MTMR8: variants seen among roughly 807,000 people sequenced by gnomAD.
MTMR8 encodes phosphatidylinositol-3,5-bisphosphate 3-phosphatase MTMR8.
In MTMR8, 65 loss-of-function variants were observed where a neutral mutation model predicts 39.3. The observed-to-expected ratio is 1.65, with a 90% CI of 1.35 to 2.03. The LOEUF (loss-of-function observed/expected upper bound fraction) is 2.03, where lower values mean the gene tolerates loss of function less well. Ranked by LOEUF, MTMR8 falls within the 30% of genes most tolerant of loss-of-function variation. The pLI is 0.00. For synonymous variants in MTMR8, 245 were observed against 185.2 expected (o/e 1.32, Z -2.62); for missense variants, 777 against 538.9 (o/e 1.44, Z -4.37).
intron 12 of MTMR8, among the ~76,000 whole-genome samples, chrX:64,309,286 TTA>T (rs1352496310): frequency 8.9e-6 from 1 of 112,034 alleles, no homozygotes; most frequent in African/African-American, 3.2e-5. Flanking sequence ...CATCAGATTT[TTA>T]TAGTTTTCCT....
intron 1 of MTMR8, among the ~76,000 whole-genome samples, chrX:64,377,266 C>T (rs1165624949): frequency 8.9e-6 from 1 of 111,909 alleles, no homozygotes; most frequent in Non-Finnish European, 1.9e-5. Context: ...GAGAAGAGGG[C>T]CACCATCCTC....
At chrX:64,374,034 T>A (rs1401043024) in intron 1 of MTMR8, among the ~76,000 whole-genome samples, 2 of 112,204 alleles carry the variant, frequency 1.8e-5, no homozygotes, top group African/African-American at 6.5e-5. Flanking sequence ...TCAGTAATTC[T>A]TTTTTGAATG....
intron 13 of MTMR8, among the ~76,000 whole-genome samples, chrX:64,270,401 C>T: frequency 8.9e-6 from 1 of 112,001 alleles, no homozygotes; most frequent in Non-Finnish European, 1.9e-5. Flanking sequence ...TCAAACAAAC[C>T]CTTAGGGATT....
chrX:64,343,724 A>C lies in MTMR8; in HGVS notation c.866-4T>G, dbSNP rs1181518324. ...GTTGGAGTTTTCAATTCACAAACTA[A>C]GGTAGAAAAGGAAGCAGAGATTGAA... is the stretch of plus-strand genomic sequence containing the variant. On this transcript the variant is annotated splice_polypyrimidine_tract_variant and splice_region_variant and intron_variant, in intron 7 of 13. Coordinates refer to ENST00000374852, the MANE Select transcript of MTMR8 (RefSeq NM_017677.4). 8.8e-7 allele frequency: 1 copy of C among 1,136,089 alleles called. No homozygotes were observed. The highest frequency in any genetic ancestry group is 1.2e-6 in the Non-Finnish European group (1 of 831,956). The allele number at this position is 1,136,089 out of a possible 1,213,427, so 93.6% of individuals were successfully genotyped here.
At chrX:64,311,485 G>A (rs1414954981) in intron 12 of MTMR8, among the ~76,000 whole-genome samples, 1 of 111,678 alleles carries the variant, frequency 9.0e-6, no homozygotes, top group Non-Finnish European at 1.9e-5. Context: ...CCATGCAGAA[G>A]CCCTTTAGTT....
chrX:64,280,683 G>A (rs2147130396), intron 12 of MTMR8, among the ~76,000 whole-genome samples: 1 of 111,498 alleles, frequency 9.0e-6, no homozygotes, highest in South Asian at 3.8e-4. Context: ...ACATAGTACT[G>A]GAAGTTCCAG....
intron 12 of MTMR8, among the ~76,000 whole-genome samples, chrX:64,279,274 G>T (rs1488057523): frequency 1.8e-5 from 2 of 111,885 alleles, no homozygotes; most frequent in African/African-American, 6.5e-5. Context: ...TTATACCAAA[G>T]AAAATTATAG....
intron 1 of MTMR8, among the ~76,000 whole-genome samples, chrX:64,381,062 CAT>C (rs965912420): frequency 4.5e-5 from 5 of 112,175 alleles, no homozygotes; most frequent in African/African-American, 1.3e-4. Flanking sequence ...CATATGTGCA[CAT>C]GTGTCTTTAT....
intron 4 of MTMR8, among the ~76,000 whole-genome samples, chrX:64,352,532 A>G (rs1923512070): frequency 9.0e-6 from 1 of 111,682 alleles, no homozygotes; most frequent in African/African-American, 3.3e-5. Flanking sequence ...TTGAAATCAA[A>G]TACTTGATAT....
chrX:64,339,300 C>G (rs1037811880), intron 8 of MTMR8, among the ~76,000 whole-genome samples: 1 of 110,922 alleles, frequency 9.0e-6, no homozygotes, highest in Admixed American at 9.6e-5. Flanking sequence ...AAAAGAGAGC[C>G]AGGAGGGAAT....
intron 8 of MTMR8, among the ~76,000 whole-genome samples, chrX:64,343,206 G>A (rs1923262278): frequency 8.9e-6 from 1 of 111,917 alleles, no homozygotes; most frequent in Non-Finnish European, 1.9e-5. Context: ...CAGAATAACT[G>A]AGCTAGAGAT....
rs537637513 is a variant in MTMR8 at position 64,349,417 on chromosome X, C to T, written c.597+525G>A. ...ATTACTATACTCCTTAGCACTTGAA[C>T]GGTTGCCCACCTGACAACTTGCCTA... On this transcript the variant is annotated intron_variant, in intron 5 of 13. Transcript: ENST00000374852. 5.4e-5 allele frequency among the ~76,000 whole-genome samples: 6 copies of T among 111,496 alleles called. No homozygotes were observed. The South Asian group carries it at 1.5e-3, about 28-fold the overall frequency.
chrX:64,291,462 C>T, intron 12 of MTMR8, among the ~76,000 whole-genome samples: 1 of 110,903 alleles, frequency 9.0e-6, no homozygotes, highest in East Asian at 2.8e-4. Context: ...GCCTTCCTCC[C>T]CTTCTGCGTG....
intron 1 of MTMR8, among the ~76,000 whole-genome samples, chrX:64,366,519 C>T (rs1218700959): frequency 1.8e-5 from 2 of 111,821 alleles, no homozygotes; most frequent in Non-Finnish European, 1.9e-5. Flanking sequence ...GGGTATATAA[C>T]AAAATGAAGG....
intron 8 of MTMR8, among the ~76,000 whole-genome samples, chrX:64,343,046 A>G (rs1425199945): frequency 9.0e-6 from 1 of 111,569 alleles, no homozygotes; most frequent in African/African-American, 3.3e-5. Flanking sequence ...GCCTGCCTAG[A>G]CTGCATTTGG....
In MTMR8 at chrX:64,391,956, T is replaced by C. The variant is rs189612226; in HGVS notation, c.24+3384A>G. On this transcript the variant is annotated intron_variant, in intron 1 of 13. Coordinates refer to ENST00000374852, the MANE Select transcript of MTMR8 (RefSeq NM_017677.4). ...ATTGCATAAAGCCTTATTATTAAGG[T>C]TCCATTCCAGGAAAGAAAAGTAATT... Among the ~76,000 whole-genome samples, 580 of 111,840 alleles carry C rather than the reference T, an allele frequency of 5.2e-3. 1 individual carries two copies. Among genetic ancestry groups the C allele is most frequent in the Non-Finnish European group, 8.2e-3 (437 of 53,123 alleles).
At chrX:64,300,865 G>C (rs1387452100) in intron 12 of MTMR8, among the ~76,000 whole-genome samples, 2 of 109,725 alleles carry the variant, frequency 1.8e-5, no homozygotes, top group Non-Finnish European at 1.9e-5. Flanking sequence ...TGAAATTCTG[G>C]GTTGAAAATT....
At chrX:64,378,143 G>C (rs1924318502) in intron 1 of MTMR8, among the ~76,000 whole-genome samples, 2 of 111,898 alleles carry the variant, frequency 1.8e-5, no homozygotes, top group Non-Finnish European at 3.8e-5. Flanking sequence ...TGCAGTTTCA[G>C]GTAGTTCCTT....
At chrX:64,348,871 C>A in intron 5 of MTMR8, 77 bp from the exon 6 acceptor site, 1 of 1,098,463 alleles carries the variant, frequency 9.1e-7, no homozygotes, top group Non-Finnish European at 1.2e-6. Context: ...TTGCCAGGTT[C>A]CATGAGTAGA....
Sources: gnomAD v4.1 joint callset for allele counts (sites outside exome capture counted in the v4.1 genomes callset) on GRCh38, gnomAD v4.1.1 for gene constraint, MANE v1.5 for transcripts, NCBI Gene and HGNC (gene_info 2026-07-23, HGNC 2026-07-21) for gene names.